The following DNAJB14 variants were observed in gnomAD, a reference collection of about 807,000 sequenced individuals.
DNAJB14 encodes DnaJ heat shock protein family (Hsp40) member B14, also known as dnaJ homolog subfamily B member 14.
Under a neutral mutation model 48.4 loss-of-function variants are expected in DNAJB14, and 22 were observed. That is an observed-to-expected ratio of 0.45 (90% CI 0.32 to 0.65). DNAJB14 has a LOEUF of 0.65. Ranked by LOEUF, DNAJB14 falls within the 30% of genes least tolerant of loss-of-function variation. The pLI, the probability that DNAJB14 is intolerant of heterozygous loss-of-function variation, is 0.03. For synonymous variants in DNAJB14, 142 were observed against 158.7 expected (o/e 0.89, Z 0.79); for missense variants, 319 against 458.8 (o/e 0.70, Z 2.78).
intron 1 of DNAJB14, chr4:99,942,342 T>C (rs1321253603): frequency 6.6e-6 from 1 of 151,370 alleles, no homozygotes; most frequent in African/African-American, 2.4e-5. Context: ...AAAAAAAAAA[T>C]CTACAAACTA....
chr4:99,928,552 A>G (rs1726340791), intron 2 of DNAJB14: 1 of 441,800 alleles, frequency 2.3e-6, no homozygotes, highest in African/African-American at 2.0e-5. Flanking sequence ...CAGAACAAAG[A>G]GGCATCAATG....
Position 99,930,434 on chromosome 4 carries a change from C to A in DNAJB14, c.305+16G>T. 1 of 1,567,088 alleles carries A rather than the reference C, an allele frequency of 6.4e-7. No individual in the cohort carries two copies. The highest frequency in any genetic ancestry group is 1.9e-5 in the Admixed American group (1 of 51,976). ...ATACCAATTATGATTGAGATGTAAACCATATTTATTCCTACCTGAGAACTC... is the reference window on the plus strand; with the variant it reads ...ATACCAATTATGATTGAGATGTAAAACATATTTATTCCTACCTGAGAACTC... On this transcript the variant is annotated intron_variant, in intron 2 of 7. Transcript: ENST00000442697.
chr4:99,910,116 A>G (rs916174061), intron 3 of DNAJB14, among the ~76,000 whole-genome samples: 1 of 152,050 alleles, frequency 6.6e-6, no homozygotes, highest in African/African-American at 2.4e-5. Context: ...GAAATTAATT[A>G]TATACAATAC....
chr4:99,923,661 C>T (rs181935250), intron 2 of DNAJB14: 13 of 985,222 alleles, frequency 1.3e-5, no homozygotes, highest in East Asian at 1.1e-4. Flanking sequence ...CAGTTTAGTA[C>T]ACGCAAAACA....
chr4:99,928,639 A>G (rs1179273928), intron 2 of DNAJB14: 2 of 429,538 alleles, frequency 4.7e-6, no homozygotes, highest in East Asian at 7.2e-5. Flanking sequence ...GAAATGAAGA[A>G]ACAGACTTTT....
intron 1 of DNAJB14, among the ~76,000 whole-genome samples, chr4:99,941,557 A>G (rs2110226143): frequency 6.6e-6 from 1 of 152,284 alleles, no homozygotes; most frequent in Middle Eastern, 3.4e-3. Flanking sequence ...AATGACAGAA[A>G]TGGAATTATT....
chr4:99,940,485 G>A (rs977166290), intron 1 of DNAJB14, among the ~76,000 whole-genome samples: 4 of 152,112 alleles, frequency 2.6e-5, no homozygotes, highest in Admixed American at 6.5e-5. Context: ...CTAGCTACTC[G>A]GAGGCTGAGG....
chr4:99,943,318 C>T (rs530836559), intron 1 of DNAJB14, among the ~76,000 whole-genome samples: 1 of 152,172 alleles, frequency 6.6e-6, no homozygotes. Context: ...ATTTGTACTA[C>T]CAACTTTCAC....
chr4:99,908,586 C>A, intron 4 of DNAJB14, 125 bp downstream of exon 4: 1 of 686,784 alleles, frequency 1.5e-6, no homozygotes, highest in East Asian at 3.3e-5. Flanking sequence ...CATGAAAAAC[C>A]ATTACAGGAT....
At chr4:99,908,541 T>C (rs1221943309) in intron 4 of DNAJB14, among the ~76,000 whole-genome samples, 170 bp downstream of exon 4, 1 of 152,108 alleles carries the variant, frequency 6.6e-6, no homozygotes, top group African/African-American at 2.4e-5. Context: ...CAGGCTATTA[T>C]AAAAGTAATA....
At chr4:99,939,900 G>A (rs1021729210) in intron 1 of DNAJB14, among the ~76,000 whole-genome samples, 5 of 152,158 alleles carry the variant, frequency 3.3e-5, no homozygotes, top group Non-Finnish European at 1.5e-5. Flanking sequence ...ACAATAATGC[G>A]CAGTGTTACA....
At chr4:99,915,346 C>T (rs953876555) in intron 3 of DNAJB14, among the ~76,000 whole-genome samples, 5 of 152,172 alleles carry the variant, frequency 3.3e-5, no homozygotes, top group African/African-American at 1.2e-4. Flanking sequence ...ATCGTGTTAG[C>T]CAAGATGGTC....
intron 2 of DNAJB14, chr4:99,924,433 C>A (rs1271142948): frequency 4.8e-6 from 1 of 206,994 alleles, no homozygotes; most frequent in Non-Finnish European, 9.5e-6. Flanking sequence ...AGGCATCTAT[C>A]ATTTGTTATA....
In DNAJB14 at chr4:99,938,439, C is replaced by T. The variant is rs558164327; in HGVS notation, c.134-7818G>A. 1.3e-4 allele frequency among the ~76,000 whole-genome samples: 20 copies of T among 148,918 alleles called. No homozygotes were observed. The South Asian group carries it at 2.7e-3, about 20-fold the overall frequency. ...ACTGATTTCATAAACTTGATGGTTA[C>T]GCTGTGATTATCTAAGAGAGTGTCC... On this transcript the variant is annotated intron_variant, in intron 1 of 7. Coordinates refer to ENST00000442697, the MANE Select transcript of DNAJB14 (RefSeq NM_001031723.4).
chr4:99,927,988 AT>A (rs1016354769), intron 2 of DNAJB14: 1 of 152,242 alleles, frequency 6.6e-6, no homozygotes, highest in Non-Finnish European at 1.5e-5. Context: ...AGACTAAAGT[AT>A]TTTGAAAACT....
chr4:99,907,474 A>G (rs1725507405), intron 4 of DNAJB14, among the ~76,000 whole-genome samples: 1 of 152,088 alleles, frequency 6.6e-6, no homozygotes, highest in Non-Finnish European at 1.5e-5. Flanking sequence ...TGGGAGTTCA[A>G]GACCAGCCTG....
chr4:99,916,824 TA>T (rs989616286), intron 3 of DNAJB14, among the ~76,000 whole-genome samples: 1 of 152,140 alleles, frequency 6.6e-6, no homozygotes, highest in Non-Finnish European at 1.5e-5. Flanking sequence ...TACTTCCCTT[TA>T]TCTTCCTCCA....
At position 99,930,527 on chromosome 4, in the gene DNAJB14, A is replaced by T. The variant is rs148309746; in HGVS notation, c.228T>A (p.Asn76Lys). 6.2e-7 allele frequency: 1 copy of T among 1,613,400 alleles called. No individual in the cohort carries two copies. The highest frequency in any genetic ancestry group is 1.1e-5 in the South Asian group (1 of 90,892). The change falls in exon 2 of 8, where the codon AAT (asparagine) becomes AAA (lysine). Residue 76 changes from asparagine to lysine, a missense_variant. Around this residue, in one of 3 missense-constraint regions of DNAJB14, gnomAD observed 116 missense variants for 134.6 expected, o/e 0.86. Transcript: ENST00000442697. ...PSGSGDQSKP[N>K]CTKDSTSGSG... Reference sequence around the variant, plus strand: ...TACCAGATGTGCTGTCCTTTGTGCAATTAGGCTTGCTTTGATCGCCACTAC... The same window carrying T: ...TACCAGATGTGCTGTCCTTTGTGCATTTAGGCTTGCTTTGATCGCCACTAC...
At chr4:99,904,539 A>G (rs1725401320) in intron 6 of DNAJB14, among the ~76,000 whole-genome samples, 1 of 152,168 alleles carries the variant, frequency 6.6e-6, no homozygotes, top group African/African-American at 2.4e-5. Flanking sequence ...CTTGGGTACC[A>G]TCCTCAAGAC....
Sources: allele counts gnomAD v4.1 joint callset (sites outside exome capture counted in the v4.1 genomes callset), GRCh38; gene constraint gnomAD v4.1.1; regional missense constraint gnomAD v4.1.1; transcripts MANE v1.5; gene names NCBI Gene and HGNC (gene_info 2026-07-23, HGNC 2026-07-21).